The following OSBPL10 variants were observed in gnomAD, a reference collection of about 807,000 sequenced individuals.
OSBPL10 encodes the protein oxysterol binding protein like 10.
OSBPL10 carries 49 observed loss-of-function variants against 81.7 expected under a neutral mutation model. The observed-to-expected ratio is 0.60, with a 90% CI of 0.48 to 0.76. The LOEUF (loss-of-function observed/expected upper bound fraction) is 0.76. OSBPL10 is among the 30% of genes least tolerant of loss of function. The pLI is 0.00. For missense variants in OSBPL10, 923 were observed against 987.8 expected, an observed-to-expected ratio of 0.93 and a Z score of 0.88; for synonymous variants, 419 against 383.6, an observed-to-expected ratio of 1.09 and a Z score of -1.08.
chr3:31,895,777 A>T (rs987363242), intron 1 of OSBPL10, among the ~76,000 whole-genome samples: 1 of 152,258 alleles, frequency 6.6e-6, no homozygotes, highest in Non-Finnish European at 1.5e-5. Context: ...AGAAACGTAC[A>T]GATATGTTGT....
intron 10 of OSBPL10, 105 bp from the exon 11 acceptor site, chr3:31,664,337 C>T: frequency 1.6e-6 from 2 of 1,220,338 alleles, no homozygotes; most frequent in Non-Finnish European, 2.3e-6. Context: ...GCCAGGCAAG[C>T]CCCCTCTGGG....
At chr3:31,859,335 G>C (rs988672200) in intron 3 of OSBPL10, among the ~76,000 whole-genome samples, 20 of 152,340 alleles carry the variant, frequency 1.3e-4, no homozygotes, top group African/African-American at 4.6e-4. Context: ...GGCTCTAGGA[G>C]GGTGACCGCC....
intron 4 of OSBPL10, among the ~76,000 whole-genome samples, chr3:31,825,426 A>C (rs531926107): frequency 6.6e-6 from 1 of 152,160 alleles, no homozygotes; most frequent in Non-Finnish European, 1.5e-5. Context: ...GGCTCAAGCA[A>C]TCCTCCCACT....
intron 2 of OSBPL10, chr3:31,990,143 C>T (rs934337797): frequency 1.9e-6 from 3 of 1,611,520 alleles, no homozygotes; most frequent in Non-Finnish European, 1.7e-6. Flanking sequence ...AGGCGTGATT[C>T]ACACCTCACA....
intron 4 of OSBPL10, among the ~76,000 whole-genome samples, chr3:31,770,683 G>A (rs1364697955): frequency 6.6e-6 from 1 of 152,132 alleles, no homozygotes; most frequent in Non-Finnish European, 1.5e-5. Context: ...CTACTTGGGA[G>A]GCTGAGGCAG....
intron 4 of OSBPL10, among the ~76,000 whole-genome samples, chr3:31,773,877 A>G (rs1257097601): frequency 6.6e-6 from 1 of 152,176 alleles, no homozygotes; most frequent in Non-Finnish European, 1.5e-5. Context: ...ACAAATATAC[A>G]TAAAGGCCAG....
rs547811243 is a variant in OSBPL10, at chr3:31,916,205, G to C, written c.282-36375C>G. Among the ~76,000 whole-genome samples, 172 of 151,966 alleles carry C rather than the reference G, an allele frequency of 1.1e-3. 2 individuals carry two copies. Among genetic ancestry groups the C allele is most frequent in the African/African-American group, 4.0e-3 (164 of 41,438 alleles). ...GATACTGATCAAATTCTATCCAAAA[G>C]GCTATAGCACACAAACATGGATGCA... On this transcript the variant is annotated intron_variant, in intron 1 of 11. Transcript: ENST00000396556.
At chr3:31,840,343 TCTA>T (rs1193722464) in intron 3 of OSBPL10, among the ~76,000 whole-genome samples, 2 of 152,214 alleles carry the variant, frequency 1.3e-5, no homozygotes, top group Non-Finnish European at 2.9e-5. Flanking sequence ...AGCACTCCTG[TCTA>T]CTAAGAGATC....
chr3:31,867,585 T>C (rs1701211077), intron 3 of OSBPL10, among the ~76,000 whole-genome samples: 1 of 152,028 alleles, frequency 6.6e-6, no homozygotes, highest in South Asian at 2.1e-4. Context: ...CTACTAAAAA[T>C]ACAAAACATT....
intron 4 of OSBPL10, among the ~76,000 whole-genome samples, chr3:31,771,297 G>A (rs954813633): frequency 1.3e-5 from 2 of 152,266 alleles, no homozygotes; most frequent in African/African-American, 2.4e-5. Context: ...GGCAGGCCAG[G>A]TCTAACTAAC....
chr3:31,737,330 G>C (rs536234448), intron 5 of OSBPL10, among the ~76,000 whole-genome samples: 5 of 152,280 alleles, frequency 3.3e-5, no homozygotes, highest in African/African-American at 1.2e-4. Flanking sequence ...GGACTGTACA[G>C]AGCTTGGGGA....
intron 4 of OSBPL10, among the ~76,000 whole-genome samples, chr3:31,810,323 A>G (rs1260880345): frequency 6.6e-6 from 1 of 152,202 alleles, no homozygotes. Context: ...AAAATGAGTG[A>G]TTTTTATTAT....
intron 1 of OSBPL10, among the ~76,000 whole-genome samples, chr3:31,971,792 T>C (rs1698574025): frequency 6.6e-6 from 1 of 152,014 alleles, no homozygotes; most frequent in African/African-American, 2.4e-5. Flanking sequence ...CACAGATACA[T>C]CCACTTATTT....
chr3:31,732,164 C>T (rs1198464664), intron 6 of OSBPL10, among the ~76,000 whole-genome samples: 2 of 152,234 alleles, frequency 1.3e-5, no homozygotes, highest in South Asian at 2.1e-4. Context: ...TTTCTTGACC[C>T]TGAAACTCCT....
Position 31,931,014 on chromosome 3 carries a change from CAAAAAAAAAAAAAAAA to C in OSBPL10, c.281+49869_281+49884del, listed in dbSNP as rs60251266. Among the ~76,000 whole-genome samples, 3 of 62,064 alleles carry C rather than the reference CAAAAAAAAAAAAAAAA, an allele frequency of 4.8e-5. 1 individual carries two copies. Among genetic ancestry groups the C allele is most frequent in the African/African-American group, 2.1e-4 (3 of 14,418 alleles). 40.7% of individuals were successfully genotyped at this position (62,064 alleles called of 152,430 possible). ...TGGGCGACAGAGCAAGACTCGGTCTCAAAAAAAAAAAAAAAAAAAAAAAAAAAGATAGTAAAAAAGA... is the reference window on the plus strand; with the variant it reads ...TGGGCGACAGAGCAAGACTCGGTCTCAAAAAAAAAAAGATAGTAAAAAAGA... On this transcript the variant is annotated intron_variant, in intron 1 of 11. Transcript: ENST00000396556.
At chr3:31,920,370 A>T (rs1696876932) in intron 1 of OSBPL10, among the ~76,000 whole-genome samples, 1 of 152,226 alleles carries the variant, frequency 6.6e-6, no homozygotes, top group Non-Finnish European at 1.5e-5. Flanking sequence ...TGACAAAAGA[A>T]TCTAATTGTA....
chr3:32,012,848 G>A (rs1699274084), intron 2 of OSBPL10, among the ~76,000 whole-genome samples: 1 of 152,222 alleles, frequency 6.6e-6, no homozygotes, highest in African/African-American at 2.4e-5. Flanking sequence ...GACCAAGAAG[G>A]CCATTACATA....
At chr3:31,708,484 T>C (rs1696141893) in intron 6 of OSBPL10, among the ~76,000 whole-genome samples, 1 of 152,218 alleles carries the variant, frequency 6.6e-6, no homozygotes, top group Non-Finnish European at 1.5e-5. Flanking sequence ...AGTCCGACTC[T>C]GTATATATGT....
chr3:31,754,466 A>G (rs1559450214), intron 4 of OSBPL10, among the ~76,000 whole-genome samples: 1 of 152,166 alleles, frequency 6.6e-6, no homozygotes, highest in Non-Finnish European at 1.5e-5. Flanking sequence ...TGTTACAAAG[A>G]AAAAGAAGAA....
Sources: gnomAD v4.1 joint callset for allele counts (sites outside exome capture counted in the v4.1 genomes callset) on GRCh38, gnomAD v4.1.1 for gene constraint, MANE v1.5 for transcripts, NCBI Gene and HGNC (gene_info 2026-07-23, HGNC 2026-07-21) for gene names.